The following SYNE1 variants were observed in gnomAD, a reference collection of about 807,000 sequenced individuals.
SYNE1 encodes the protein nesprin-1.
SYNE1 carries 616 observed loss-of-function variants against 1,111.0 expected under a neutral mutation model. The ratio of observed to expected loss-of-function variants is 0.55; its 90% CI spans 0.52 to 0.59. The LOEUF (loss-of-function observed/expected upper bound fraction) is 0.59. Ranked by LOEUF, SYNE1 falls within the 20% of genes least tolerant of loss-of-function variation. SYNE1 has a pLI of 0.00. For synonymous variants in SYNE1, 3,855 were observed against 3,825.8 expected, an observed-to-expected ratio of 1.01 and a Z score of -0.28; for missense variants, 10,006 against 10,417.0, an observed-to-expected ratio of 0.96 and a Z score of 1.72.
At chr6:152,475,928 A>G (rs2098831955) in intron 14 of SYNE1, among the ~76,000 whole-genome samples, 1 of 152,130 alleles carries the variant, frequency 6.6e-6, no homozygotes, top group African/African-American at 2.4e-5. Flanking sequence ...TATCCTCCAT[A>G]CGTTTGCTTC....
At chr6:152,380,972 A>T (rs778632300) in intron 56 of SYNE1, 34 bp downstream of exon 56, 3 of 1,602,384 alleles carry the variant, frequency 1.9e-6, no homozygotes, top group Non-Finnish European at 2.6e-6. Context: ...TTTTTAAAGC[A>T]TAACCACCAA....
In SYNE1 at chr6:152,247,748, T is replaced by TACACACAC. The variant is rs1419093301; in HGVS notation, c.19572+1412_19572+1413insGTGTGTGT. Among the ~76,000 whole-genome samples the TACACACAC allele has an allele frequency of 1.5e-3, 136 of 90,890 alleles. 2 individuals are homozygous for TACACACAC. The highest frequency in any genetic ancestry group is 5.6e-3 in the African/African-American group (107 of 19,104). 59.6% of individuals were successfully genotyped at this position (90,890 alleles called of 152,430 possible). On this transcript the variant is annotated intron_variant, in intron 105 of 145. Transcript: ENST00000367255. ...TTTATTATATATATATATATATATATATACACACACACACACACACACACA... is the reference window on the plus strand; with the variant it reads ...TTTATTATATATATATATATATATATACACACACATACACACACACACACACACACACA...
rs141847989 is a variant in SYNE1 at position 152,331,317 on chromosome 6, G to A, written c.13368C>T (p.Thr4456=). 15 of 1,614,008 alleles carry A rather than the reference G, an allele frequency of 9.3e-6. No individual in the cohort carries two copies. The highest frequency in any genetic ancestry group is 1.3e-5 in the Non-Finnish European group (15 of 1,180,020). ...CCTGGAACACTGCCATGAGAAACTG[G>A]GTTTTCTCGGACAAGGCTTTGTTTA... is the stretch of plus-strand genomic sequence containing the variant. The part of the protein sequence containing the change: ...KYLNKALSEK[T]QFLMAVFQAT... The change falls in exon 78 of 146, where the codon ACC becomes ACT. Residue 4456 remains threonine (T), a synonymous_variant. Transcript: ENST00000367255.
At chr6:152,302,102 A>G (rs369427114) in intron 91 of SYNE1, 39 bp from the exon 92 acceptor site, 1 of 1,613,434 alleles carries the variant, frequency 6.2e-7, no homozygotes, top group African/African-American at 1.3e-5. Context: ...TCAGAGCAGC[A>G]TCAAAAGGAA....
At chr6:152,557,058 A>C (rs1398967606) in intron 3 of SYNE1, among the ~76,000 whole-genome samples, 1 of 152,220 alleles carries the variant, frequency 6.6e-6, no homozygotes, top group South Asian at 2.1e-4. Context: ...CAGCTAACCC[A>C]AATCAGGAAA....
chr6:152,218,117 G>A (rs570903055), intron 121 of SYNE1, 140 bp downstream of exon 121: 53 of 980,312 alleles, frequency 5.4e-5, no homozygotes, highest in African/African-American at 1.8e-4. Context: ...GCTTGAACCC[G>A]GAAAGCAGAG....
intron 32 of SYNE1, among the ~76,000 whole-genome samples, chr6:152,439,067 C>T (rs2098503218): frequency 6.6e-6 from 1 of 152,176 alleles, no homozygotes; most frequent in Non-Finnish European, 1.5e-5. Flanking sequence ...TTTCTTAGGA[C>T]TGTTTTGAGG....
intron 75 of SYNE1, 108 bp from the exon 76 acceptor site, chr6:152,337,125 A>G: frequency 1.9e-6 from 2 of 1,046,048 alleles, no homozygotes; most frequent in East Asian, 5.2e-5. Context: ...TTTGACACAC[A>G]CATACACACG....
chr6:152,301,803 G>T, intron 92 of SYNE1, 66 bp downstream of exon 92: 2 of 1,502,586 alleles, frequency 1.3e-6, no homozygotes, highest in Non-Finnish European at 1.8e-6. Flanking sequence ...CACGGAGAGG[G>T]AACATGGAGC....
chr6:152,397,579 C>T (rs1358689393), intron 49 of SYNE1, among the ~76,000 whole-genome samples: 1 of 152,208 alleles, frequency 6.6e-6, no homozygotes, highest in Non-Finnish European at 1.5e-5. Flanking sequence ...TTCTCCACAC[C>T]TCCTGCAAAA....
chr6:152,325,803 A>G (rs1337148758), intron 80 of SYNE1, among the ~76,000 whole-genome samples, 155 bp downstream of exon 80: 1 of 152,194 alleles, frequency 6.6e-6, no homozygotes, highest in African/African-American at 2.4e-5. Flanking sequence ...AGGTAATAGC[A>G]TTTAATAAAC....
In SYNE1 at chr6:152,217,262, G is replaced by A. The variant is rs1484538063; in HGVS notation, c.22191+995C>T. On this transcript the variant is annotated intron_variant, in intron 121 of 145. Transcript: ENST00000367255. Reference sequence around the variant, plus strand: ...ACAAAAAAAATTAGCCAGGCGTGGTGGACAGTACCTGCAGTCCTAACTACT... The same window carrying A: ...ACAAAAAAAATTAGCCAGGCGTGGTAGACAGTACCTGCAGTCCTAACTACT... 2.7e-5 allele frequency among the ~76,000 whole-genome samples: 4 copies of A among 150,736 alleles called. No individual in the cohort carries two copies. In the South Asian group the frequency reaches 6.3e-4, roughly 24 times the overall value.
chr6:152,178,599 A>G (rs975503402), intron 129 of SYNE1, among the ~76,000 whole-genome samples: 42 of 152,216 alleles, frequency 2.8e-4, no homozygotes, highest in African/African-American at 9.6e-4. Context: ...ATGGATAGAA[A>G]TAATTTTTCC....
chr6:152,189,000 T>TATATATATATATATATATATATATATA (rs1563336394), intron 128 of SYNE1, among the ~76,000 whole-genome samples: 6 of 117,338 alleles, frequency 5.1e-5, no homozygotes, highest in Non-Finnish European at 1.0e-4. Flanking sequence ...TATATATATA[T>TATATATATATATATATATATATATATA]ATATATATAT....
intron 90 of SYNE1, among the ~76,000 whole-genome samples, chr6:152,309,183 T>C (rs1015799898): frequency 1.3e-5 from 2 of 152,124 alleles, no homozygotes; most frequent in Admixed American, 6.5e-5. Context: ...ACATATGAAG[T>C]ATGAATGACT....
intron 3 of SYNE1, 59 bp downstream of exon 3, chr6:152,628,206 T>C: frequency 1.3e-6 from 2 of 1,567,228 alleles, no homozygotes; most frequent in Non-Finnish European, 1.8e-6. Flanking sequence ...CAAATTTAAC[T>C]GATTGTGGGT....
At position 152,539,923 on chromosome 6, in the gene SYNE1, C is replaced by T. The variant is rs538524613; in HGVS notation, c.129+37G>A. 2.5e-6 allele frequency: 4 copies of T among 1,607,238 alleles called. No individual in the cohort carries two copies. The Admixed American group carries it at 5.0e-5, about 20-fold the overall frequency. The stretch of plus-strand genomic sequence containing the variant: ...GACATTTAATGATTTACTGGCTCAA[C>T]CTAAGTAAACCTGTAATGCTGGGTA... On this transcript the variant is annotated intron_variant, in intron 4 of 145. Transcript: ENST00000367255.
At chr6:152,214,789 T>G in intron 122 of SYNE1, 117 bp downstream of exon 122, 54 of 1,375,418 alleles carry the variant, frequency 3.9e-5, no homozygotes, top group Non-Finnish European at 5.1e-5. Context: ...TCCAGAACTG[T>G]GAGACTGTTC....
chr6:152,241,144 T>C (rs1429037759), intron 107 of SYNE1, among the ~76,000 whole-genome samples: 1 of 152,224 alleles, frequency 6.6e-6, no homozygotes, highest in Non-Finnish European at 1.5e-5. Context: ...TACTCATTGA[T>C]CCTAGTTTCC....
Sources: gnomAD v4.1 joint callset for allele counts (sites outside exome capture counted in the v4.1 genomes callset) on GRCh38, gnomAD v4.1.1 for gene constraint, MANE v1.5 for transcripts, NCBI Gene and HGNC (gene_info 2026-07-23, HGNC 2026-07-21) for gene names.